USP6: variants seen among roughly 807,000 people sequenced by gnomAD.
USP6 encodes ubiquitin carboxyl-terminal hydrolase 6.
Under a neutral mutation model 175.7 loss-of-function variants are expected in USP6, and 128 were observed. The ratio of observed to expected loss-of-function variants is 0.73; its 90% confidence interval spans 0.63 to 0.84. The LOEUF is 0.84. Ranked by LOEUF, USP6 falls within the 40% of genes least tolerant of loss-of-function variation. USP6 has a pLI of 0.00. For missense variants in USP6, 1,498 were observed against 1,760.3 expected, an observed-to-expected ratio of 0.85 and a Z score of 2.67; for synonymous variants, 562 against 630.6, an observed-to-expected ratio of 0.89 and a Z score of 1.63.
In USP6 at chr17:5,139,519, T is replaced by G. The variant is rs770746941; in HGVS notation, c.1343T>G (p.Phe448Cys). The change falls in exon 22 of 38, where the codon TTC becomes TGC. Residue 448 changes from phenylalanine to cysteine, a missense_variant. Coordinates refer to ENST00000574788, the MANE Select transcript of USP6 (RefSeq NM_001304284.2). The stretch of plus-strand genomic sequence containing the variant: ...GGAGGACCTCAGGGTTCCTGGAGAT[T>G]CCTGGAGTGGAAGTCAATGCCCCGG... ...AQGGPQGSWR[F>C]LEWKSMPRLP... is the part of the protein sequence containing the mutation. The G allele has an allele frequency of 6.2e-6, 10 of 1,613,766 alleles. No individual in the cohort carries two copies. Among genetic ancestry groups the G allele is most frequent in the Admixed American group, 5.0e-5 (3 of 60,028 alleles).
intron 22 of USP6, among the ~76,000 whole-genome samples, chr17:5,140,136 C>G (rs889193955): frequency 2.6e-5 from 4 of 151,982 alleles, no homozygotes; most frequent in Admixed American, 1.3e-4. Flanking sequence ...AGGATAACCA[C>G]CTTCACGTTT....
At chr17:5,133,672 C>T in intron 14 of USP6, 122 bp downstream of exon 14, 1 of 1,203,558 alleles carries the variant, frequency 8.3e-7, no homozygotes, top group Non-Finnish European at 1.2e-6. Flanking sequence ...AGATGCACAT[C>T]CTGGGCATGG....
At chr17:5,119,597 G>C (rs1426905416) in intron 2 of USP6, among the ~76,000 whole-genome samples, 2 of 152,118 alleles carry the variant, frequency 1.3e-5, no homozygotes, top group African/African-American at 4.8e-5. Flanking sequence ...GAGGACCCTG[G>C]GTGAGGCCTG....
chr17:5,130,814 C>G (rs1386580418), intron 11 of USP6, 130 bp downstream of exon 11: 3 of 1,256,042 alleles, frequency 2.4e-6, no homozygotes, highest in East Asian at 5.0e-5. Context: ...TTTCCAGGGT[C>G]AGAACTCCTC....
chr17:5,172,259 C>T (rs190821753), intron 37 of USP6, among the ~76,000 whole-genome samples: 10 of 151,934 alleles, frequency 6.6e-5, no homozygotes, highest in Admixed American at 2.0e-4. Context: ...GGGCCGAGCG[C>T]GGTGGCTCAT....
intron 5 of USP6, among the ~76,000 whole-genome samples, 159 bp from the exon 6 acceptor site, chr17:5,125,662 G>A (rs116362784): frequency 0.042 from 5,369 of 129,062 alleles, 141 homozygotes; most frequent in East Asian, 0.069. Context: ...ACACAAACAC[G>A]CACACACACG....
chr17:5,118,438 T>TG (rs1292111316), intron 2 of USP6, 148 bp downstream of exon 2: 2 of 152,400 alleles, frequency 1.3e-5, no homozygotes, highest in Non-Finnish European at 2.9e-5. Flanking sequence ...AAGCTCCATT[T>TG]GGGGTCTGCG....
chr17:5,146,922 A>G (rs1193100669), intron 28 of USP6, among the ~76,000 whole-genome samples, 161 bp from the exon 29 acceptor site: 3 of 152,208 alleles, frequency 2.0e-5, no homozygotes, highest in Non-Finnish European at 4.4e-5. Context: ...AGTTATTTTT[A>G]TCAAGCATTC....
At chr17:5,145,871 G>A (rs1295810171) in intron 27 of USP6, 152 bp from the exon 28 acceptor site, 1 of 1,190,412 alleles carries the variant, frequency 8.4e-7, no homozygotes, top group African/African-American at 1.6e-5. Flanking sequence ...TTATCCCTAA[G>A]TACCATCTGT....
At position 5,171,567 on chromosome 17, in the gene USP6, C is replaced by T. The variant is rs778903764; in HGVS notation, c.3955-20C>T. On this transcript the variant is annotated intron_variant, in intron 36 of 37. Coordinates refer to ENST00000574788, the MANE Select transcript of USP6 (RefSeq NM_001304284.2). ...GTACAGTTAACTACTAACATACCTCCACTCTCTTATCTCTTACAGTGCCAT... is the reference window on the plus strand; with the variant it reads ...GTACAGTTAACTACTAACATACCTCTACTCTCTTATCTCTTACAGTGCCAT... 1.9e-6 allele frequency: 3 copies of T among 1,612,440 alleles called. No individual in the cohort carries two copies. The highest frequency in any genetic ancestry group is 2.5e-6 in the Non-Finnish European group (3 of 1,178,760).
In USP6 at chr17:5,174,447, G is replaced by C. The variant is rs550463559; in HGVS notation, c.*1469G>C. The stretch of plus-strand genomic sequence containing the variant: ...TAACTATTAATATCTAGTTCTCAGA[G>C]CATTTGGAAAGGTTATCTTAAATGG... On this transcript the variant is annotated 3_prime_UTR_variant, in exon 38 of 38. Coordinates refer to ENST00000574788, the MANE Select transcript of USP6 (RefSeq NM_001304284.2). 2.1e-5 allele frequency: 4 copies of C among 190,848 alleles called. No homozygotes were observed. Among genetic ancestry groups the C allele is most frequent in the African/African-American group, 9.3e-5 (4 of 43,086 alleles). 11.8% of individuals were successfully genotyped at this position (190,848 alleles called of 1,614,324 possible).
At chr17:5,170,964 A>T (rs777560419) in intron 36 of USP6, 49 bp downstream of exon 36, 9 of 1,587,606 alleles carry the variant, frequency 5.7e-6, no homozygotes, top group Non-Finnish European at 7.7e-6. Flanking sequence ...TGTTTTGTTC[A>T]CTTGTCTTCA....
In USP6 at chr17:5,173,772, G is replaced by A. The variant is rs1228589961; in HGVS notation, c.*794G>A. 3 of 221,116 alleles carry A rather than the reference G, an allele frequency of 1.4e-5. No individual in the cohort carries two copies. The highest frequency in any genetic ancestry group is 2.2e-5 in the African/African-American group (1 of 44,630). 13.7% of individuals were successfully genotyped at this position (221,116 alleles called of 1,614,324 possible). On this transcript the variant is annotated 3_prime_UTR_variant, in exon 38 of 38. Transcript: ENST00000574788. ...CCTCAGAAATGTATTCTGCACCCCC[G>A]GCCCCGCCCATGCTGAGGGAAGGGG...
chr17:5,146,347 T>C (rs2073610846), intron 28 of USP6, among the ~76,000 whole-genome samples, 173 bp downstream of exon 28: 1 of 152,166 alleles, frequency 6.6e-6, no homozygotes, highest in African/African-American at 2.4e-5. Context: ...TAAAAGAGTT[T>C]TCTACCAGAA....
In USP6 at chr17:5,147,184, A is replaced by C. The variant is rs2073637241; in HGVS notation, c.2421A>C (p.Pro807=). The change falls in exon 29 of 38, where the codon CCA becomes CCC. Residue 807 remains proline (P), a synonymous_variant. Coordinates refer to ENST00000574788, the MANE Select transcript of USP6 (RefSeq NM_001304284.2). ...VPSSPISASS[P]TQIDFSSSPS... ...CATCTCCAATTTCAGCTTCTAGTCC[A>C]ACACAAATAGGTAAGATAGAACTAG... 2 of 1,612,590 alleles carry C rather than the reference A, an allele frequency of 1.2e-6. No individual in the cohort carries two copies. Among genetic ancestry groups the C allele is most frequent in the Non-Finnish European group, 1.7e-6 (2 of 1,179,162 alleles).
rs2074283530 is a variant in USP6 at position 5,174,372 on chromosome 17, T to A, written c.*1394T>A. 1.6e-5 allele frequency: 3 copies of A among 190,812 alleles called. No homozygotes were observed. The highest frequency in any genetic ancestry group is 7.0e-5 in the African/African-American group (3 of 42,984). The allele number at this position is 190,812 out of a possible 1,614,324, so 11.8% of individuals were successfully genotyped here. A position where few individuals can be genotyped will look rare whatever the true frequency, so the allele number is the denominator to read the frequency against. On this transcript the variant is annotated 3_prime_UTR_variant, in exon 38 of 38. Coordinates refer to ENST00000574788, the MANE Select transcript of USP6 (RefSeq NM_001304284.2). ...TCCATTACCCTTTCTTCCTCATAGG[T>A]AGTAATTACCAATGTAACTAAGCAT...
At chr17:5,136,246 C>T (rs1369570519) in intron 17 of USP6, among the ~76,000 whole-genome samples, 2 of 152,234 alleles carry the variant, frequency 1.3e-5, no homozygotes, top group Non-Finnish European at 1.5e-5. Context: ...CCTCCAGCTG[C>T]CTGGGCTCCT....
At chr17:5,161,490 A>T in intron 31 of USP6, 38 bp from the exon 32 acceptor site, 2 of 1,606,660 alleles carry the variant, frequency 1.2e-6, no homozygotes, top group Non-Finnish European at 8.5e-7. Flanking sequence ...TCGAACCAGA[A>T]ATGCTTCTTA....
Position 5,144,827 on chromosome 17 carries a change from C to T in USP6, c.1956C>T (p.Asp652=). ...VHEKPYVELK[D]SDGRPDWEVA... ...AAAAGCCATATGTGGAACTGAAGGA[C>T]AGTGATGGCCGACCAGACTGGGAAG... The change falls in exon 26 of 38, where the codon GAC becomes GAT. Residue 652 remains aspartate, a synonymous_variant. Transcript: ENST00000574788. The T allele has an allele frequency of 6.2e-7, 1 of 1,608,730 alleles. No individual in the cohort carries two copies. The highest frequency in any genetic ancestry group is 8.5e-7 in the Non-Finnish European group (1 of 1,175,686).
Sources: allele counts gnomAD v4.1 joint callset (sites outside exome capture counted in the v4.1 genomes callset), GRCh38; gene constraint gnomAD v4.1.1; transcripts MANE v1.5; gene names NCBI Gene and HGNC (gene_info 2026-07-23, HGNC 2026-07-21).